Variants in MAD1L1 observed in about 807,000 individuals in gnomAD.
The protein encoded by MAD1L1 is mitotic arrest deficient 1 like 1, also known as mitotic spindle assembly checkpoint protein MAD1.
MAD1L1 carries 95 observed loss-of-function variants against 96.9 expected under a neutral mutation model. The observed-to-expected ratio is 0.98, with a 90% CI of 0.83 to 1.16. The LOEUF (loss-of-function observed/expected upper bound fraction) is 1.16, where lower values mean the gene tolerates loss of function less well. MAD1L1 is among the 50% of genes most tolerant of loss of function. MAD1L1 has a pLI of 0.00. For missense variants in MAD1L1, 1,007 were observed against 954.4 expected (o/e 1.06, Z -0.73); for synonymous variants, 473 against 396.6 (o/e 1.19, Z -2.29).
At chr7:2,000,347 G>A (rs1388142986) in intron 14 of MAD1L1, among the ~76,000 whole-genome samples, 1 of 152,040 alleles carries the variant, frequency 6.6e-6, no homozygotes, top group African/African-American at 2.4e-5. Context: ...CACCCATTGC[G>A]GCCCTGCACA....
chr7:2,180,171 CT>C (rs1319236441), intron 10 of MAD1L1, among the ~76,000 whole-genome samples: 2 of 152,148 alleles, frequency 1.3e-5, no homozygotes, highest in Non-Finnish European at 2.9e-5. Context: ...TCCATGGGGA[CT>C]GAGATTCTAA....
intron 11 of MAD1L1, among the ~76,000 whole-genome samples, chr7:2,074,248 G>A (rs753009125): frequency 6.6e-5 from 10 of 152,196 alleles, no homozygotes; most frequent in Non-Finnish European, 1.3e-4. Flanking sequence ...GAAGCCACGC[G>A]TGTGGCATGA....
chr7:2,068,479 T>G (rs980573623), intron 12 of MAD1L1, among the ~76,000 whole-genome samples: 1 of 152,216 alleles, frequency 6.6e-6, no homozygotes, highest in South Asian at 2.1e-4. Context: ...AGGTGCAGCA[T>G]GCATCCTGGG....
At chr7:2,156,698 G>A (rs570242491) in intron 10 of MAD1L1, among the ~76,000 whole-genome samples, 3 of 151,992 alleles carry the variant, frequency 2.0e-5, no homozygotes, top group Non-Finnish European at 4.4e-5. Context: ...GCAGGTGCCT[G>A]TAATCCCACC....
intron 12 of MAD1L1, among the ~76,000 whole-genome samples, chr7:2,067,706 C>T (rs1784944617): frequency 6.6e-6 from 1 of 152,272 alleles, no homozygotes; most frequent in Admixed American, 6.5e-5. Flanking sequence ...GAGGTGACTG[C>T]AGCAGCGCTT....
chr7:2,150,448 C>T (rs980838255), intron 10 of MAD1L1, among the ~76,000 whole-genome samples: 2 of 152,164 alleles, frequency 1.3e-5, no homozygotes, highest in Non-Finnish European at 2.9e-5. Context: ...TACCCATGGG[C>T]CCCCGAAACC....
chr7:2,066,694 C>T (rs1171652825), intron 12 of MAD1L1, among the ~76,000 whole-genome samples: 1 of 152,174 alleles, frequency 6.6e-6, no homozygotes, highest in Non-Finnish European at 1.5e-5. Context: ...TGCGGGGCTC[C>T]ACTAGACCAT....
intron 11 of MAD1L1, among the ~76,000 whole-genome samples, chr7:2,143,095 G>A (rs981892360): frequency 6.6e-6 from 1 of 151,960 alleles, no homozygotes; most frequent in Non-Finnish European, 1.5e-5. Context: ...TGATGACAAG[G>A]ACTAGCTAAA....
intron 18 of MAD1L1, among the ~76,000 whole-genome samples, chr7:1,884,583 CTTTA>C (rs1474057802): frequency 6.6e-6 from 1 of 152,380 alleles, no homozygotes; most frequent in Middle Eastern, 3.4e-3. Flanking sequence ...CACTGCCGAA[CTTTA>C]TTTCTGTTCC....
intron 12 of MAD1L1, among the ~76,000 whole-genome samples, chr7:2,040,027 C>T (rs1216354710): frequency 1.3e-5 from 2 of 152,120 alleles, no homozygotes; most frequent in African/African-American, 2.4e-5. Context: ...TTTAGCTGGG[C>T]CAACCAAGGA....
At chr7:2,150,511 C>G (rs1186273651) in intron 10 of MAD1L1, among the ~76,000 whole-genome samples, 1 of 152,322 alleles carries the variant, frequency 6.6e-6, no homozygotes, top group East Asian at 1.9e-4. Context: ...TTCCAGCACC[C>G]AGCTCCTCCT....
intron 1 of MAD1L1, among the ~76,000 whole-genome samples, chr7:2,232,070 G>A (rs759867241): frequency 6.6e-6 from 1 of 152,182 alleles, no homozygotes; most frequent in Non-Finnish European, 1.5e-5. Context: ...TCTGGCTTTG[G>A]AAGGCTGAAG....
intron 11 of MAD1L1, among the ~76,000 whole-genome samples, chr7:2,113,258 G>A (rs570753722): frequency 6.6e-6 from 1 of 152,354 alleles, no homozygotes; most frequent in East Asian, 1.9e-4. Context: ...TGCACCAATA[G>A]ATGCTTGAAC....
chr7:2,046,437 T>C (rs1259012446), intron 12 of MAD1L1, among the ~76,000 whole-genome samples: 6 of 129,696 alleles, frequency 4.6e-5, no homozygotes, highest in African/African-American at 1.7e-4. Context: ...CCAGACAGGC[T>C]CCGGCTGGGG....
At chr7:2,019,653 G>A (rs1489948732) in intron 12 of MAD1L1, among the ~76,000 whole-genome samples, 1 of 150,900 alleles carries the variant, frequency 6.6e-6, no homozygotes, top group Non-Finnish European at 1.5e-5. Flanking sequence ...GCCCGGCCCA[G>A]CCCCAGCCAC....
At chr7:1,993,560 G>A (rs1781438019) in intron 14 of MAD1L1, among the ~76,000 whole-genome samples, 1 of 152,186 alleles carries the variant, frequency 6.6e-6, no homozygotes, top group Non-Finnish European at 1.5e-5. Context: ...CCTTCCCTCT[G>A]CACTGAGATT....
At chr7:1,864,651 G>A (rs978039796) in intron 18 of MAD1L1, among the ~76,000 whole-genome samples, 3 of 152,148 alleles carry the variant, frequency 2.0e-5, no homozygotes, top group Admixed American at 1.3e-4. Context: ...TCTGTCTCCC[G>A]ACCTCACGTG....
chr7:2,065,642 C>T (rs1178761809), intron 12 of MAD1L1, among the ~76,000 whole-genome samples: 2 of 152,168 alleles, frequency 1.3e-5, no homozygotes, highest in African/African-American at 4.8e-5. Flanking sequence ...CCAGAAGACA[C>T]AAATCTGTCT....
At chr7:1,817,368 C>G (rs575637337) in intron 18 of MAD1L1, 1 of 152,342 alleles carries the variant, frequency 6.6e-6, no homozygotes, top group Non-Finnish European at 1.5e-5. Context: ...GACCTCGGCA[C>G]GGGTGTCCAC....
Sources: gnomAD v4.1 joint callset for allele counts (sites outside exome capture counted in the v4.1 genomes callset) on GRCh38, gnomAD v4.1.1 for gene constraint, MANE v1.5 for transcripts, NCBI Gene and HGNC (gene_info 2026-07-23, HGNC 2026-07-21) for gene names.